KCNQ3: variants seen among roughly 807,000 people sequenced by gnomAD.
The protein encoded by KCNQ3 is potassium voltage-gated channel subfamily Q member 3.
KCNQ3 carries 30 observed loss-of-function variants against 92.5 expected under a neutral mutation model. That is an observed-to-expected ratio of 0.32 (90% CI 0.24 to 0.44). The LOEUF is 0.44. Ranked by LOEUF, KCNQ3 falls within the 20% of genes least tolerant of loss-of-function variation. The pLI, the probability that KCNQ3 is intolerant of heterozygous loss-of-function variation, is 1.00. For missense variants in KCNQ3, 913 were observed against 1,140.3 expected, an observed-to-expected ratio of 0.80 and a Z score of 2.87; for synonymous variants, 450 against 468.8, an observed-to-expected ratio of 0.96 and a Z score of 0.52.
intron 1 of KCNQ3, among the ~76,000 whole-genome samples, chr8:132,301,247 C>T (rs748306474): frequency 2.0e-5 from 3 of 152,168 alleles, no homozygotes; most frequent in Non-Finnish European, 2.9e-5. Flanking sequence ...CTTCACACCT[C>T]GCTCTGGCTC....
chr8:132,282,167 T>G (rs910099520), intron 1 of KCNQ3, among the ~76,000 whole-genome samples: 2 of 152,170 alleles, frequency 1.3e-5, no homozygotes, highest in Non-Finnish European at 2.9e-5. Flanking sequence ...GAACTGGTTT[T>G]ATCTTCCAGA....
At chr8:132,260,141 T>C (rs1243427209) in intron 1 of KCNQ3, among the ~76,000 whole-genome samples, 3 of 152,220 alleles carry the variant, frequency 2.0e-5, no homozygotes, top group African/African-American at 7.2e-5. Flanking sequence ...TTGAAAACCA[T>C]GATCAACTGG....
intron 9 of KCNQ3, among the ~76,000 whole-genome samples, chr8:132,148,483 G>T (rs1287083013): frequency 6.6e-6 from 1 of 152,182 alleles, no homozygotes; most frequent in Admixed American, 6.5e-5. Flanking sequence ...ACTGTTCGTG[G>T]TAGAGCTGGG....
chr8:132,441,604 A>AAT lies in KCNQ3; in HGVS notation c.386+38541_386+38542dup, dbSNP rs146088628. Among the ~76,000 whole-genome samples, 32 of 146,740 alleles carry AAT rather than the reference A, an allele frequency of 2.2e-4. 1 individual carries two copies. The highest frequency in any genetic ancestry group is 1.4e-3 in the East Asian group (7 of 4,966). On this transcript the variant is annotated intron_variant, in intron 1 of 14. Transcript: ENST00000388996. Reference sequence around the variant, plus strand: ...AACAAAACAAACAAACAAACAAACAAATATATATATATATATTCCTTTGGG... The same window carrying AAT: ...AACAAAACAAACAAACAAACAAACAAATATATATATATATATATTCCTTTGGG...
intron 1 of KCNQ3, among the ~76,000 whole-genome samples, chr8:132,260,732 A>G (rs572046317): frequency 6.6e-6 from 1 of 152,142 alleles, no homozygotes; most frequent in East Asian, 1.9e-4. Flanking sequence ...TCATTTATCA[A>G]CTTCTGCTTT....
chr8:132,177,206 A>T (rs183669808), intron 4 of KCNQ3, among the ~76,000 whole-genome samples: 3 of 152,348 alleles, frequency 2.0e-5, no homozygotes, highest in East Asian at 3.9e-4. Context: ...ACTGTTCTGG[A>T]TTAATAAGAG....
intron 1 of KCNQ3, among the ~76,000 whole-genome samples, chr8:132,474,594 A>C (rs1314347888): frequency 6.6e-6 from 1 of 152,218 alleles, no homozygotes; most frequent in Admixed American, 6.5e-5. Flanking sequence ...CTGGGATAGT[A>C]GTAAAGCTAT....
intron 1 of KCNQ3, among the ~76,000 whole-genome samples, chr8:132,308,285 T>C (rs1817490800): frequency 1.3e-5 from 2 of 152,016 alleles, no homozygotes; most frequent in Non-Finnish European, 2.9e-5. Flanking sequence ...ACTGCAACCC[T>C]GCCTTCCCGA....
Position 132,128,378 on chromosome 8 carries a change from G to C in KCNQ3, c.*884C>G, listed in dbSNP as rs1413498054. The stretch of plus-strand genomic sequence containing the variant: ...TGGATATTTTGTACTTCAGTATCAT[G>C]GGAAGAAATGAGAGTTGGAAATTCA... On this transcript the variant is annotated 3_prime_UTR_variant, in exon 15 of 15. Transcript: ENST00000388996. The C allele has an allele frequency of 6.6e-6, 1 of 152,174 alleles. No homozygotes were observed. The highest frequency in any genetic ancestry group is 1.9e-4 in the East Asian group (1 of 5,196). The allele number at this position is 152,174 out of a possible 1,614,324, so 9.4% of individuals were successfully genotyped here. A position where few individuals can be genotyped will look rare whatever the true frequency, so the allele number is the denominator to read the frequency against.
chr8:132,469,864 C>T (rs1003322458), intron 1 of KCNQ3, among the ~76,000 whole-genome samples: 1 of 151,452 alleles, frequency 6.6e-6, no homozygotes, highest in Non-Finnish European at 1.5e-5. Context: ...AGAAAATTTG[C>T]ATTCTGTTCT....
At position 132,163,510 on chromosome 8, in the gene KCNQ3, G is replaced by A. The variant is rs201168632; in HGVS notation, c.1236-16C>T. On this transcript the variant is annotated splice_polypyrimidine_tract_variant and intron_variant, in intron 8 of 14. Transcript: ENST00000388996. ...CTGTTCTTTCCTAGAAAGAGAAGAGGGAGAAAAAATAAAGCATAAATTACG... is the reference window on the plus strand; with the variant it reads ...CTGTTCTTTCCTAGAAAGAGAAGAGAGAGAAAAAATAAAGCATAAATTACG... The A allele has an allele frequency of 5.8e-4, 933 of 1,607,906 alleles. 6 individuals are homozygous for A. The African/African-American group carries it at 9.7e-3, about 17-fold the overall frequency.
At chr8:132,451,222 T>C (rs145728120) in intron 1 of KCNQ3, among the ~76,000 whole-genome samples, 5 of 152,236 alleles carry the variant, frequency 3.3e-5, no homozygotes, top group African/African-American at 4.8e-5. Flanking sequence ...CCTGCTGCCA[T>C]GTAAAACGTG....
intron 1 of KCNQ3, among the ~76,000 whole-genome samples, chr8:132,468,582 T>C (rs1220509358): frequency 6.6e-6 from 1 of 152,250 alleles, no homozygotes; most frequent in Non-Finnish European, 1.5e-5. Flanking sequence ...CAGGTTACCC[T>C]GACATTGAAC....
chr8:132,393,728 T>C (rs1044215701), intron 1 of KCNQ3, among the ~76,000 whole-genome samples: 2 of 152,180 alleles, frequency 1.3e-5, no homozygotes, highest in South Asian at 4.1e-4. Context: ...CTGTTATTCC[T>C]CATTTAGAGG....
intron 1 of KCNQ3, among the ~76,000 whole-genome samples, chr8:132,305,620 T>C (rs1817393995): frequency 1.3e-5 from 2 of 152,250 alleles, no homozygotes; most frequent in Non-Finnish European, 2.9e-5. Flanking sequence ...GGCATTGCTT[T>C]CCATGCCTCA....
At chr8:132,211,911 C>T (rs1205414718) in intron 1 of KCNQ3, among the ~76,000 whole-genome samples, 2 of 149,532 alleles carry the variant, frequency 1.3e-5, no homozygotes, top group Admixed American at 6.6e-5. Flanking sequence ...TGAGATCATG[C>T]CACTGCACTC....
intron 1 of KCNQ3, among the ~76,000 whole-genome samples, chr8:132,291,964 T>G (rs1317028099): frequency 1.3e-5 from 2 of 152,012 alleles, no homozygotes; most frequent in Non-Finnish European, 2.9e-5. Context: ...CATAAGGAGA[T>G]TTTTAATAAC....
chr8:132,331,919 A>C (rs1025278410), intron 1 of KCNQ3, among the ~76,000 whole-genome samples: 1 of 152,250 alleles, frequency 6.6e-6, no homozygotes, highest in Non-Finnish European at 1.5e-5. Context: ...GCCAGTCAGA[A>C]GTTCTGTGGT....
At chr8:132,288,869 G>T (rs1352724768) in intron 1 of KCNQ3, among the ~76,000 whole-genome samples, 1 of 152,128 alleles carries the variant, frequency 6.6e-6, no homozygotes, top group Non-Finnish European at 1.5e-5. Context: ...TGGCAACATG[G>T]TCTGAATACT....
Sources: allele counts gnomAD v4.1 joint callset (sites outside exome capture counted in the v4.1 genomes callset), GRCh38; gene constraint gnomAD v4.1.1; transcripts MANE v1.5; gene names NCBI Gene and HGNC (gene_info 2026-07-23, HGNC 2026-07-21).